PHLPP1: variants seen among roughly 807,000 people sequenced by gnomAD.
The protein encoded by PHLPP1 is PH domain and leucine rich repeat protein phosphatase 1.
Under a neutral mutation model 117.2 loss-of-function variants are expected in PHLPP1, and 42 were observed. The ratio of observed to expected loss-of-function variants is 0.36; its 90% confidence interval spans 0.28 to 0.46. The LOEUF is 0.46. Ranked by LOEUF, PHLPP1 falls within the 20% of genes least tolerant of loss-of-function variation. The pLI, the probability that PHLPP1 is intolerant of heterozygous loss-of-function variation, is 1.00. For synonymous variants in PHLPP1, 1,042 were observed against 970.7 expected, an observed-to-expected ratio of 1.07 and a Z score of -1.37; for missense variants, 2,084 against 2,241.9, an observed-to-expected ratio of 0.93 and a Z score of 1.42.
chr18:62,758,196 T>G (rs1254285787), intron 1 of PHLPP1, among the ~76,000 whole-genome samples: 1 of 152,232 alleles, frequency 6.6e-6, no homozygotes, highest in African/African-American at 2.4e-5. Flanking sequence ...ATGGTAAAAT[T>G]GTAATTGTAA....
intron 10 of PHLPP1, among the ~76,000 whole-genome samples, chr18:62,924,676 G>GAA (rs35464959): frequency 1.2e-4 from 11 of 93,614 alleles, no homozygotes; most frequent in East Asian, 6.6e-4. Context: ...ACTACAAATT[G>GAA]AAAAAAAAAA....
rs185750089 is a variant in PHLPP1 at position 62,734,507 on chromosome 18, A to T, written c.1576+17248A>T. Among the ~76,000 whole-genome samples, 37 of 152,314 alleles carry T rather than the reference A, an allele frequency of 2.4e-4. No homozygotes were observed. In the East Asian group the frequency reaches 6.0e-3, roughly 25 times the overall value. The stretch of plus-strand genomic sequence containing the variant: ...TATAAATTATTTTTATCTTGAGTAG[A>T]TGGCAGTGGCTCTGTGAAATATTGT... On this transcript the variant is annotated intron_variant, in intron 1 of 16. Coordinates refer to ENST00000262719, the MANE Select transcript of PHLPP1 (RefSeq NM_194449.4).
chr18:62,786,177 G>A (rs1023495043), intron 1 of PHLPP1, among the ~76,000 whole-genome samples: 6 of 152,194 alleles, frequency 3.9e-5, no homozygotes, highest in African/African-American at 1.4e-4. Flanking sequence ...ACAGGTAAAA[G>A]TCAGTTTTTA....
chr18:62,979,615 T>TA lies in PHLPP1; in HGVS notation c.*184_*185insA. 1 of 623,358 alleles carries TA rather than the reference T, an allele frequency of 1.6e-6. No homozygotes were observed. The highest frequency in any genetic ancestry group is 2.8e-6 in the Non-Finnish European group (1 of 359,858). The allele number at this position is 623,358 out of a possible 1,614,324, so 38.6% of individuals were successfully genotyped here. A position where few individuals can be genotyped will look rare whatever the true frequency, so the allele number is the denominator to read the frequency against. Reference sequence around the variant, plus strand: ...TTATTTTTTTAAGTAATCACCACTTTCTTCTAGTGATGCTTTACCAATATG... The same window carrying TA: ...TTATTTTTTTAAGTAATCACCACTTTACTTCTAGTGATGCTTTACCAATATG... On this transcript the variant is annotated 3_prime_UTR_variant, in exon 17 of 17. Transcript: ENST00000262719.
At chr18:62,781,884 C>T (rs767481043) in intron 1 of PHLPP1, among the ~76,000 whole-genome samples, 3 of 152,148 alleles carry the variant, frequency 2.0e-5, no homozygotes, top group Non-Finnish European at 4.4e-5. Context: ...GTGAGTCTTG[C>T]TGATTGGAAT....
chr18:62,742,754 G>A (rs1911567446), intron 1 of PHLPP1, among the ~76,000 whole-genome samples: 1 of 152,012 alleles, frequency 6.6e-6, no homozygotes. Flanking sequence ...TTTATCGGAA[G>A]CTCTATTTTA....
At chr18:62,828,859 A>G (rs1394670653) in intron 1 of PHLPP1, among the ~76,000 whole-genome samples, 2 of 152,208 alleles carry the variant, frequency 1.3e-5, no homozygotes, top group Admixed American at 1.3e-4. Context: ...ACTATAGTAC[A>G]TATATCTCTT....
At chr18:62,841,331 C>CTTTTT (rs1048275193) in intron 3 of PHLPP1, among the ~76,000 whole-genome samples, 6 of 128,526 alleles carry the variant, frequency 4.7e-5, no homozygotes, top group East Asian at 2.2e-4. Context: ...TTCTTTCTCT[C>CTTTTT]TTTTTTTTTT....
intron 8 of PHLPP1, among the ~76,000 whole-genome samples, chr18:62,905,951 A>T (rs900737352): frequency 2.0e-5 from 3 of 152,232 alleles, no homozygotes; most frequent in Admixed American, 6.5e-5. Context: ...GTATGTATTT[A>T]TACCACGTAA....
intron 1 of PHLPP1, among the ~76,000 whole-genome samples, chr18:62,815,319 G>A (rs1949751916): frequency 6.6e-6 from 1 of 151,842 alleles, no homozygotes; most frequent in Non-Finnish European, 1.5e-5. Flanking sequence ...CACCACGCCC[G>A]GCTAATTTTT....
At chr18:62,721,338 C>T (rs2044920961) in intron 1 of PHLPP1, among the ~76,000 whole-genome samples, 1 of 151,894 alleles carries the variant, frequency 6.6e-6, no homozygotes, top group Non-Finnish European at 1.5e-5. Context: ...TTCTCTTATT[C>T]AAGCATACCT....
At chr18:62,848,826 A>G (rs1915249764) in intron 3 of PHLPP1, among the ~76,000 whole-genome samples, 1 of 152,186 alleles carries the variant, frequency 6.6e-6, no homozygotes, top group African/African-American at 2.4e-5. Flanking sequence ...CATTTTGCAG[A>G]TGAGGGAACT....
chr18:62,762,482 C>T (rs1233245037), intron 1 of PHLPP1, among the ~76,000 whole-genome samples: 3 of 146,472 alleles, frequency 2.0e-5, no homozygotes, highest in Non-Finnish European at 4.5e-5. Context: ...GGCGCAATCT[C>T]GGCTTGCTGC....
chr18:62,895,072 G>T lies in PHLPP1; in HGVS notation c.2128G>T (p.Val710Phe). Reference sequence around the variant, plus strand: ...TCATTTAGGGGACTTCCCACTGGCAGTCTGCAGTATTCCAACCCTGGCAGA... The same window carrying T: ...TCATTTAGGGGACTTCCCACTGGCATTCTGCAGTATTCCAACCCTGGCAGA... ...NNHLGDFPLA[V>F]CSIPTLAELN... Residue 710 changes from valine (V) to phenylalanine (F), a missense_variant, in exon 5 of 17, where the codon GTC (valine) becomes TTC (phenylalanine). By Grantham distance (50) the Val-to-Phe change is conservative. Coordinates refer to ENST00000262719, the MANE Select transcript of PHLPP1 (RefSeq NM_194449.4). The T allele has an allele frequency of 6.2e-7, 1 of 1,613,636 alleles. No individual in the cohort carries two copies. Among genetic ancestry groups the T allele is most frequent in the Non-Finnish European group, 8.5e-7 (1 of 1,179,604 alleles).
intron 1 of PHLPP1, among the ~76,000 whole-genome samples, chr18:62,776,714 A>G (rs776297455): frequency 1.3e-5 from 2 of 149,582 alleles, no homozygotes; most frequent in Non-Finnish European, 1.5e-5. Flanking sequence ...GGTTCAAGTG[A>G]TTCTCCTGCC....
chr18:62,848,455 AT>A (rs56223512), intron 3 of PHLPP1, among the ~76,000 whole-genome samples: 3,321 of 88,374 alleles, frequency 0.038, 18 homozygotes, highest in Non-Finnish European at 0.045. Flanking sequence ...TTTTTTGTTG[AT>A]TTTTTTTTTT....
intron 1 of PHLPP1, among the ~76,000 whole-genome samples, chr18:62,724,817 G>T (rs995854489): frequency 2.0e-5 from 3 of 152,144 alleles, no homozygotes; most frequent in Middle Eastern, 3.4e-3. Context: ...GGAACAGGTG[G>T]GTATTTTAAT....
At chr18:62,955,951 C>G (rs1910599382) in intron 12 of PHLPP1, among the ~76,000 whole-genome samples, 1 of 152,002 alleles carries the variant, frequency 6.6e-6, no homozygotes, top group African/African-American at 2.4e-5. Context: ...GGTAGCATGT[C>G]CCATTATTAC....
chr18:62,765,665 A>G (rs1404934676), intron 1 of PHLPP1, among the ~76,000 whole-genome samples: 3 of 152,122 alleles, frequency 2.0e-5, no homozygotes, highest in African/African-American at 7.2e-5. Context: ...TTTAAGATGC[A>G]TGTGTTCTCA....
Sources: allele counts gnomAD v4.1 joint callset (sites outside exome capture counted in the v4.1 genomes callset), GRCh38; gene constraint gnomAD v4.1.1; transcripts MANE v1.5; gene names NCBI Gene and HGNC (gene_info 2026-07-23, HGNC 2026-07-21).